Variants in GRAMD2B observed in about 807,000 individuals in gnomAD.
GRAMD2B encodes the protein GRAM domain-containing protein 2B.
In GRAMD2B, 41 loss-of-function variants were observed where a neutral mutation model predicts 59.2. The ratio of observed to expected loss-of-function variants is 0.69; its 90% CI spans 0.54 to 0.90. The LOEUF is 0.90. Ranked by LOEUF, GRAMD2B falls within the 40% of genes least tolerant of loss-of-function variation. GRAMD2B has a pLI of 0.00. For synonymous variants in GRAMD2B, 161 were observed against 182.7 expected, an observed-to-expected ratio of 0.88 and a Z score of 0.96; for missense variants, 424 against 500.5, an observed-to-expected ratio of 0.85 and a Z score of 1.46.
chr5:126,492,383 A>G (rs1196826475), intron 13 of GRAMD2B, among the ~76,000 whole-genome samples: 2 of 146,756 alleles, frequency 1.4e-5, no homozygotes, highest in Non-Finnish European at 3.0e-5. Flanking sequence ...TCTTTCTGCC[A>G]TTCTCTCTTT....
rs143647341 is a variant in GRAMD2B, at chr5:126,365,742, C to A, written c.128+5283C>A. On this transcript the variant is annotated intron_variant, in intron 1 of 13. Coordinates refer to the GRAMD2B transcript ENST00000513040. The stretch of plus-strand genomic sequence containing the variant: ...TTCCTGGAAAACCGGTTTACCAATG[C>A]ATCACTGTTTAAATAATAAACATAT... Among the ~76,000 whole-genome samples the A allele has an allele frequency of 3.8e-3, 572 of 151,732 alleles. 4 individuals carry two copies. Among genetic ancestry groups the A allele is most frequent in the Middle Eastern group, 6.8e-3 (2 of 294 alleles).
At chr5:126,445,051 T>C (rs1763958894) in intron 1 of GRAMD2B, among the ~76,000 whole-genome samples, 2 of 152,242 alleles carry the variant, frequency 1.3e-5, no homozygotes, top group Non-Finnish European at 2.9e-5. Flanking sequence ...GGATGCGTAG[T>C]ATTCCATGGT....
intron 5 of GRAMD2B, among the ~76,000 whole-genome samples, chr5:126,475,397 T>C (rs897618449): frequency 6.6e-6 from 1 of 152,226 alleles, no homozygotes; most frequent in African/African-American, 2.4e-5. Context: ...GTTTGTATTG[T>C]TGCTCAGAAA....
intron 1 of GRAMD2B, among the ~76,000 whole-genome samples, chr5:126,374,870 G>T (rs555343896): frequency 1.3e-5 from 2 of 152,292 alleles, no homozygotes; most frequent in African/African-American, 4.8e-5. Context: ...GCTAAGACAA[G>T]ACTCCTTACC....
intron 1 of GRAMD2B, among the ~76,000 whole-genome samples, chr5:126,364,896 C>T (rs1754371692): frequency 6.6e-6 from 1 of 152,196 alleles, no homozygotes; most frequent in African/African-American, 2.4e-5. Context: ...ACTACTCTGG[C>T]CCCTGGTGCT....
chr5:126,371,619 G>A, intron 1 of GRAMD2B: 1 of 1,246,458 alleles, frequency 8.0e-7, no homozygotes, highest in South Asian at 1.3e-5. Context: ...GGTGGCCTCA[G>A]CTACCCAACT....
intron 1 of GRAMD2B, among the ~76,000 whole-genome samples, chr5:126,410,366 G>A (rs567727556): frequency 6.6e-6 from 1 of 151,560 alleles, no homozygotes; most frequent in East Asian, 1.9e-4. Flanking sequence ...TTATTTCATT[G>A]AGCAGTGGTT....
intron 3 of GRAMD2B, among the ~76,000 whole-genome samples, chr5:126,471,806 G>A (rs1166473329): frequency 6.6e-6 from 1 of 152,202 alleles, no homozygotes; most frequent in Non-Finnish European, 1.5e-5. Context: ...ACAAGAGCTA[G>A]AGCCACTACA....
intron 1 of GRAMD2B, among the ~76,000 whole-genome samples, chr5:126,386,499 A>T (rs946774348): frequency 2.0e-5 from 3 of 152,228 alleles, no homozygotes; most frequent in Non-Finnish European, 2.9e-5. Flanking sequence ...TAAATTGGCT[A>T]GGTAGCTCTG....
chr5:126,392,790 T>A (rs938643968), intron 1 of GRAMD2B, among the ~76,000 whole-genome samples: 6 of 152,154 alleles, frequency 3.9e-5, no homozygotes, highest in Non-Finnish European at 5.9e-5. Context: ...AGGCATTAGT[T>A]AGATTCTCAT....
chr5:126,478,140 GAAAAAAA>G (rs11376080), intron 6 of GRAMD2B, among the ~76,000 whole-genome samples: 1 of 126,874 alleles, frequency 7.9e-6, no homozygotes, highest in Non-Finnish European at 1.6e-5. Flanking sequence ...GTCTTAAAGG[GAAAAAAA>G]AAAAAAAAAA....
intron 1 of GRAMD2B, among the ~76,000 whole-genome samples, chr5:126,362,198 A>C (rs1259577019): frequency 6.6e-6 from 1 of 152,196 alleles, no homozygotes; most frequent in Non-Finnish European, 1.5e-5. Context: ...AATTCTGAAG[A>C]CCAAACGATT....
Position 126,477,698 on chromosome 5 carries a change from A to G in GRAMD2B, c.493A>G (p.Ile165Val), listed in dbSNP as rs368623321. ...CTTGCTGATTCTGTTTCAGATCTCT[A>G]TTCCAGCTTTCTCGGTAACCCTAAT... ...KVFGKDTKIS[I>V]PAFSVTLIKK... is the part of the protein sequence containing the mutation. Residue 165 changes from isoleucine to valine, a missense_variant, in exon 6 of 14, where the codon ATT becomes GTT. Physicochemically the swap from Ile to Val is conservative, Grantham distance 29 (BLOSUM62 3). Transcript: ENST00000285689. The G allele has an allele frequency of 1.9e-6, 3 of 1,589,654 alleles. No homozygotes were observed. Among genetic ancestry groups the G allele is most frequent in the East Asian group, 2.2e-5 (1 of 44,752 alleles).
intron 1 of GRAMD2B, among the ~76,000 whole-genome samples, chr5:126,444,332 C>T (rs1763823685): frequency 6.6e-6 from 1 of 152,142 alleles, no homozygotes. Context: ...TCTTCCGTGC[C>T]CTCTCTAAGG....
chr5:126,419,187 G>C (rs552158382), upstream of GRAMD2B, among the ~76,000 whole-genome samples: 1 of 152,132 alleles, frequency 6.6e-6, no homozygotes, highest in Non-Finnish European at 1.5e-5. Flanking sequence ...AAAGAAAAGA[G>C]GTTTAATCAG....
At chr5:126,413,307 T>C (rs1001797813) in intron 1 of GRAMD2B, among the ~76,000 whole-genome samples, 1 of 152,156 alleles carries the variant, frequency 6.6e-6, no homozygotes, top group Non-Finnish European at 1.5e-5. Context: ...GTTGTGTCTC[T>C]GTTTTCATTT....
chr5:126,470,567 C>CT (rs1047745055), intron 3 of GRAMD2B, among the ~76,000 whole-genome samples: 13 of 151,708 alleles, frequency 8.6e-5, no homozygotes, highest in African/African-American at 2.7e-4. Context: ...TGTCTTTTCT[C>CT]TTTTTTTTCA....
intron 1 of GRAMD2B, among the ~76,000 whole-genome samples, chr5:126,378,611 G>A (rs1561461028): frequency 6.6e-6 from 1 of 152,020 alleles, no homozygotes; most frequent in Non-Finnish European, 1.5e-5. Flanking sequence ...TCTATTCGTA[G>A]AACTTGATAC....
intron 1 of GRAMD2B, among the ~76,000 whole-genome samples, chr5:126,405,834 A>G (rs1758218313): frequency 6.6e-6 from 1 of 151,970 alleles, no homozygotes; most frequent in African/African-American, 2.4e-5. Flanking sequence ...CAAGTAGTAA[A>G]GTTGCATACC....
Sources: gnomAD v4.1 joint callset for allele counts (sites outside exome capture counted in the v4.1 genomes callset) on GRCh38, gnomAD v4.1.1 for gene constraint, MANE v1.5 for transcripts, NCBI Gene and HGNC (gene_info 2026-07-23, HGNC 2026-07-21) for gene names.